CELF1: variants seen among roughly 807,000 people sequenced by gnomAD.
CELF1 encodes the protein CUGBP Elav-like family member 1.
In CELF1, 10 loss-of-function variants were observed where a neutral mutation model predicts 61.8. The observed-to-expected ratio is 0.16, with a 90% CI of 0.10 to 0.27. The LOEUF (loss-of-function observed/expected upper bound fraction) is 0.27, where lower values mean the gene tolerates loss of function less well. CELF1 is among the 10% of genes least tolerant of loss of function. CELF1 has a pLI of 1.00. For synonymous variants in CELF1, 236 were observed against 225.1 expected (o/e 1.05, Z -0.43); for missense variants, 380 against 639.1 (o/e 0.59, Z 4.37).
At chr11:47,502,540 T>G (rs2094038476) in intron 1 of CELF1, among the ~76,000 whole-genome samples, 1 of 152,096 alleles carries the variant, frequency 6.6e-6, no homozygotes, top group Non-Finnish European at 1.5e-5. Flanking sequence ...GTGTGTTTAA[T>G]GTCTTAATTA....
chr11:47,476,039 A>C (rs377573446), intron 12 of CELF1, among the ~76,000 whole-genome samples: 3 of 145,984 alleles, frequency 2.1e-5, no homozygotes, highest in Non-Finnish European at 3.0e-5. Context: ...TCACTCTGTC[A>C]CCTAGGTTGG....
At chr11:47,478,593 C>G (rs11825450) in intron 10 of CELF1, among the ~76,000 whole-genome samples, 227 of 152,246 alleles carry the variant, frequency 1.5e-3, no homozygotes, top group African/African-American at 5.3e-3. Context: ...CAGAGAACAG[C>G]CTCAGTCTAT....
At chr11:47,535,444 C>T (rs1235929612) in intron 1 of CELF1, among the ~76,000 whole-genome samples, 3 of 151,728 alleles carry the variant, frequency 2.0e-5, no homozygotes, top group African/African-American at 7.3e-5. Context: ...TTTGGGAGGC[C>T]GAGGCAGGCG....
intron 11 of CELF1, 41 bp from the exon 12 acceptor site, chr11:47,477,000 C>G: frequency 6.7e-7 from 1 of 1,493,554 alleles, no homozygotes; most frequent in Non-Finnish European, 9.3e-7. Context: ...CCATCACTGG[C>G]ATTCTCGCCA....
chr11:47,529,623 C>A lies in CELF1; in HGVS notation c.-154+23369G>T, dbSNP rs192104366. ...GTAGTGAGCCGAGATCCTGTCACTG[C>A]ACTCCAGCCTAGGCAACACAGCGAG... On this transcript the variant is annotated intron_variant, in intron 1 of 14. Coordinates refer to ENST00000687097, the MANE Select transcript of CELF1 (RefSeq NM_001376376.1). Among the ~76,000 whole-genome samples the A allele has an allele frequency of 2.1e-3, 326 of 152,062 alleles. 1 individual carries two copies. Among genetic ancestry groups the A allele is most frequent in the African/African-American group, 7.4e-3 (308 of 41,478 alleles).
chr11:47,557,988 T>C (rs181111469), upstream of CELF1, among the ~76,000 whole-genome samples: 856 of 152,180 alleles, frequency 5.6e-3, 10 homozygotes, highest in African/African-American at 0.019. Context: ...CCCGAGTAAC[T>C]GGAATTACCT....
Position 47,499,536 on chromosome 11 carries a change from C to T in CELF1, c.-13G>A, listed in dbSNP as rs1478451204. Reference sequence around the variant, plus strand: ...TAAACGCAGCCATCACCTCACTCTCCCCTTCAGAAGCCAATGATATTAACT... The same window carrying T: ...TAAACGCAGCCATCACCTCACTCTCTCCTTCAGAAGCCAATGATATTAACT... On this transcript the variant is annotated 5_prime_UTR_variant, in exon 3 of 15. Transcript: ENST00000687097. 1 of 1,533,104 alleles carries T rather than the reference C, an allele frequency of 6.5e-7. No homozygotes were observed. The highest frequency in any genetic ancestry group is 8.7e-7 in the Non-Finnish European group (1 of 1,144,322). 95.0% of individuals were successfully genotyped at this position (1,533,104 alleles called of 1,614,324 possible).
At chr11:47,558,695 TATATGTCATA>T (rs2153790285) in intron 2 of CELF1, among the ~76,000 whole-genome samples, 1 of 113,114 alleles carries the variant, frequency 8.8e-6, no homozygotes, top group African/African-American at 3.5e-5. Flanking sequence ...TTATATATAA[TATATGTCATA>T]ATATATAATA....
intron 1 of CELF1, among the ~76,000 whole-genome samples, chr11:47,540,972 G>T (rs114999791): frequency 6.6e-6 from 1 of 152,114 alleles, no homozygotes; most frequent in East Asian, 1.9e-4. Flanking sequence ...TATCCCACCC[G>T]ATCTAGCATG....
chr11:47,496,299 G>C (rs2093085638), intron 3 of CELF1, among the ~76,000 whole-genome samples: 1 of 152,164 alleles, frequency 6.6e-6, no homozygotes, highest in African/African-American at 2.4e-5. Flanking sequence ...CTAACAATAT[G>C]CTTTTAAAGG....
At position 47,482,810 on chromosome 11, in the gene CELF1, T is replaced by G; in HGVS notation, c.653A>C (p.Asp218Ala). ...CTGGGCCATTCTCTTCTGTTCTTTG[T>G]CCTTCTGTGTATCAGCAAATTTTAC... ...MVVKFADTQK[D>A]KEQKRMAQQL... The change falls in exon 9 of 15, where the codon GAC becomes GCC. Residue 218 changes from aspartate (D) to alanine (A), a missense_variant. Asp to Ala is a moderately radical substitution (Grantham distance 126). Transcript: ENST00000687097. The G allele has an allele frequency of 1.2e-6, 2 of 1,614,194 alleles. No homozygotes were observed. Among genetic ancestry groups the G allele is most frequent in the Non-Finnish European group, 1.7e-6 (2 of 1,180,022 alleles).
intron 10 of CELF1, chr11:47,477,790 T>C: frequency 5.1e-6 from 1 of 195,078 alleles, no homozygotes; most frequent in Non-Finnish European, 1.1e-5. Flanking sequence ...TCACTCACAC[T>C]TTACAGGGGA....
At chr11:47,522,807 C>G (rs933394498) in intron 1 of CELF1, among the ~76,000 whole-genome samples, 13 of 137,488 alleles carry the variant, frequency 9.5e-5, no homozygotes, top group Non-Finnish European at 1.8e-4. Flanking sequence ...GCCTGGGCAA[C>G]AGAGCGAGAC....
At chr11:47,492,354 C>T (rs116459714) in intron 3 of CELF1, among the ~76,000 whole-genome samples, 2,130 of 152,188 alleles carry the variant, frequency 0.014, 47 homozygotes, top group African/African-American at 0.048. Context: ...AAATGTGTGG[C>T]AGGTCATGGC....
chr11:47,515,824 T>G (rs947581375), intron 1 of CELF1, among the ~76,000 whole-genome samples: 9 of 152,218 alleles, frequency 5.9e-5, no homozygotes, highest in African/African-American at 2.2e-4. Flanking sequence ...TGGACTTTCT[T>G]GAGTCACAGT....
At chr11:47,553,331 C>T (rs1175296017), upstream of CELF1, among the ~76,000 whole-genome samples, 1 of 152,272 alleles carries the variant, frequency 6.6e-6, no homozygotes, top group Non-Finnish European at 1.5e-5. Context: ...GCACCTAAGC[C>T]CCTGGGGCCG....
chr11:47,529,823 A>G (rs1037239937), intron 1 of CELF1, among the ~76,000 whole-genome samples: 9 of 152,138 alleles, frequency 5.9e-5, no homozygotes, highest in Admixed American at 2.0e-4. Context: ...TTAAAAAAAA[A>G]AGAGAGACAA....
At chr11:47,501,013 C>T (rs2093825870) in intron 1 of CELF1, 81 bp from the exon 2 acceptor site, 1 of 397,716 alleles carries the variant, frequency 2.5e-6, no homozygotes, top group Non-Finnish European at 4.4e-6. Context: ...CACACAATGG[C>T]ATAGGCCTAG....
intron 1 of CELF1, among the ~76,000 whole-genome samples, chr11:47,538,434 T>C (rs1202722110): frequency 3.3e-5 from 5 of 151,912 alleles, no homozygotes; most frequent in African/African-American, 2.4e-5. Context: ...ACGAGGTCAG[T>C]AGATCAAGAC....
Sources: gnomAD v4.1 joint callset for allele counts (sites outside exome capture counted in the v4.1 genomes callset) on GRCh38, gnomAD v4.1.1 for gene constraint, MANE v1.5 for transcripts, NCBI Gene and HGNC (gene_info 2026-07-23, HGNC 2026-07-21) for gene names.